Variants in ANAPC4 observed in about 807,000 individuals in gnomAD.
ANAPC4 encodes the protein anaphase-promoting complex subunit 4.
ANAPC4 carries 63 observed loss-of-function variants against 119.8 expected under a neutral mutation model. That is an observed-to-expected ratio of 0.53 (90% CI 0.43 to 0.65). The LOEUF is 0.65. Among genes scored for constraint, ANAPC4 ranks in the 30% least tolerant of loss-of-function variants. The probability of loss-of-function intolerance (pLI) is 0.00; values close to 1 mark genes in which losing one functional copy is unlikely to be tolerated. For synonymous variants in ANAPC4, 283 were observed against 318.6 expected, an observed-to-expected ratio of 0.89 and a Z score of 1.19; for missense variants, 716 against 945.1, an observed-to-expected ratio of 0.76 and a Z score of 3.18.
At chr4:25,409,017 G>A (rs1723423805) in intron 20 of ANAPC4, among the ~76,000 whole-genome samples, 1 of 152,212 alleles carries the variant, frequency 6.6e-6, no homozygotes, top group East Asian at 1.9e-4. Flanking sequence ...GTATGATTTG[G>A]GACTACTACC....
At chr4:25,386,212 CTTAT>C (rs753042181) in intron 4 of ANAPC4, among the ~76,000 whole-genome samples, 28 of 151,858 alleles carry the variant, frequency 1.8e-4, no homozygotes, top group Admixed American at 7.2e-4. Context: ...AGCGCCTGGC[CTTAT>C]TTATTTATTT....
In ANAPC4 at chr4:25,393,790, C is replaced by CT; in HGVS notation, c.790-9dup. ...AATATTTTTTACCATTTCAATTTTTCTTTTTTGCTAATAGTATATAAATTT... is the reference window on the plus strand; with the variant it reads ...AATATTTTTTACCATTTCAATTTTTCTTTTTTTGCTAATAGTATATAAATTT... On this transcript the variant is annotated splice_polypyrimidine_tract_variant and intron_variant, in intron 10 of 28. Transcript: ENST00000315368. 1 of 1,533,692 alleles carries CT rather than the reference C, an allele frequency of 6.5e-7. No individual in the cohort carries two copies. Among genetic ancestry groups the CT allele is most frequent in the Non-Finnish European group, 8.8e-7 (1 of 1,130,168 alleles).
intron 4 of ANAPC4, among the ~76,000 whole-genome samples, chr4:25,386,561 A>G (rs1722049130): frequency 6.6e-6 from 1 of 152,204 alleles, no homozygotes; most frequent in African/African-American, 2.4e-5. Flanking sequence ...AAACAATTAT[A>G]ATAGTAACAT....
At chr4:25,402,461 C>G (rs1043811750) in intron 16 of ANAPC4, among the ~76,000 whole-genome samples, 13 of 152,166 alleles carry the variant, frequency 8.5e-5, no homozygotes, top group African/African-American at 3.1e-4. Context: ...GGAAATTCAA[C>G]TTTTGAGATC....
intron 4 of ANAPC4, 67 bp from the exon 5 acceptor site, chr4:25,388,433 C>T (rs1006144873): frequency 9.3e-7 from 1 of 1,074,844 alleles, no homozygotes; most frequent in South Asian, 1.4e-5. Flanking sequence ...TAAAAATTAG[C>T]ATTTTTAATG....
chr4:25,411,967 G>A (rs573904640), intron 21 of ANAPC4, among the ~76,000 whole-genome samples: 37 of 152,202 alleles, frequency 2.4e-4, no homozygotes, highest in African/African-American at 8.2e-4. Flanking sequence ...GACTGCCCTC[G>A]CGTCAAATGT....
chr4:25,388,443 G>A (rs1385707914), intron 4 of ANAPC4, 57 bp from the exon 5 acceptor site: 2 of 1,199,216 alleles, frequency 1.7e-6, no homozygotes, highest in East Asian at 2.3e-5. Flanking sequence ...CATTTTTAAT[G>A]GCAAGAGAAG....
chr4:25,381,947 CA>C (rs66528862), intron 3 of ANAPC4, among the ~76,000 whole-genome samples: 109,979 of 151,482 alleles, frequency 0.73, 40,203 homozygotes, highest in African/African-American at 0.75. Context: ...GACTCCGTCT[CA>C]AAAAAAAAAT....
rs760438589 is a variant in ANAPC4, at chr4:25,414,602, G to T, written c.1728G>T (p.Trp576Cys). The part of the protein sequence containing the change: ...TRRLFKFPFL[W>C]NNKTSNLHYL... Reference sequence around the variant, plus strand: ...TTATGACAATTTTTTTTCTTAGGTGGAATAATAAAACTTCAAATCTACATT... The same window carrying T: ...TTATGACAATTTTTTTTCTTAGGTGTAATAATAAAACTTCAAATCTACATT... The change falls in exon 25 of 29, where the codon TGG becomes TGT. Residue 576 changes from tryptophan to cysteine, a missense_variant. Physicochemically the swap from Trp to Cys is radical, Grantham distance 215. Around this residue, in one of 3 missense-constraint regions of ANAPC4, gnomAD observed 504 missense variants for 615.8 expected, o/e 0.82. Coordinates refer to ENST00000315368, the MANE Select transcript of ANAPC4 (RefSeq NM_013367.3). 6.4e-7 allele frequency: 1 copy of T among 1,550,754 alleles called. No individual in the cohort carries two copies. Among genetic ancestry groups the T allele is most frequent in the South Asian group, 1.2e-5 (1 of 83,346 alleles).
intron 14 of ANAPC4, 117 bp from the exon 15 acceptor site, chr4:25,396,547 T>C (rs1722663444): frequency 2.5e-6 from 2 of 791,760 alleles, no homozygotes; most frequent in Non-Finnish European, 4.0e-6. Flanking sequence ...TTATTTCTCA[T>C]GGAAACAAAA....
chr4:25,385,047 T>C (rs1014893877), intron 4 of ANAPC4, among the ~76,000 whole-genome samples: 4 of 152,244 alleles, frequency 2.6e-5, no homozygotes, highest in Non-Finnish European at 4.4e-5. Context: ...TTAGGCTTTG[T>C]TGTTCCATTT....
rs142278258 is a variant in ANAPC4 at position 25,382,250 on chromosome 4, G to C, written c.236-1011G>C. On this transcript the variant is annotated intron_variant, in intron 3 of 28. Transcript: ENST00000315368. ...GTTGCCCTTTGGTGGATATTTAGAT[G>C]GTTTTCAGTTTTTGGCTTTGATAAG... Among the ~76,000 whole-genome samples, 501 of 152,234 alleles carry C rather than the reference G, an allele frequency of 3.3e-3. 1 individual carries two copies. Among genetic ancestry groups the C allele is most frequent in the African/African-American group, 0.012 (485 of 41,544 alleles).
At position 25,414,838 on chromosome 4, in the gene ANAPC4, G is replaced by T. The variant is rs1444800616; in HGVS notation, c.1826+138G>T. The T allele has an allele frequency of 8.7e-6, 7 of 800,850 alleles. No individual in the cohort carries two copies. In the African/African-American group the frequency reaches 1.2e-4, roughly 14 times the overall value. 49.6% of individuals were successfully genotyped at this position (800,850 alleles called of 1,614,324 possible). The stretch of plus-strand genomic sequence containing the variant: ...GTGTCATTTAATTGTTAGTTTTCAT[G>T]TCATTAAAAGGGTAACACTGAATTA... On this transcript the variant is annotated intron_variant, in intron 25 of 28. Transcript: ENST00000315368.
rs1322669288 is a variant in ANAPC4, at chr4:25,405,482, A to G, written c.1271-91A>G. On this transcript the variant is annotated intron_variant, in intron 17 of 28. Coordinates refer to ENST00000315368, the MANE Select transcript of ANAPC4 (RefSeq NM_013367.3). The surrounding 1 kb of genome is among the most constrained non-coding windows in gnomAD (Gnocchi z 4.6). Reference sequence around the variant, plus strand: ...CTGTGTAAAATTGAAGATTTAGTTCAGTCAAACACCTTGTCTTTGAAATGT... The same window carrying G: ...CTGTGTAAAATTGAAGATTTAGTTCGGTCAAACACCTTGTCTTTGAAATGT... 4 of 1,164,662 alleles carry G rather than the reference A, an allele frequency of 3.4e-6. No individual in the cohort carries two copies. The highest frequency in any genetic ancestry group is 1.9e-5 in the Admixed American group (1 of 52,104). The allele number at this position is 1,164,662 out of a possible 1,614,324, so 72.1% of individuals were successfully genotyped here. A position where few individuals can be genotyped will look rare whatever the true frequency, so the allele number is the denominator to read the frequency against.
intron 17 of ANAPC4, 60 bp downstream of exon 17, chr4:25,403,086 A>T (rs1723066949): frequency 1.2e-5 from 15 of 1,238,872 alleles, no homozygotes; most frequent in Non-Finnish European, 1.6e-5. Flanking sequence ...TAGGAGTATT[A>T]TCTTAGACTG....
intron 4 of ANAPC4, among the ~76,000 whole-genome samples, chr4:25,386,377 T>G (rs1009809580): frequency 1.3e-5 from 2 of 151,920 alleles, no homozygotes; most frequent in African/African-American, 4.8e-5. Flanking sequence ...CATGCCCAGC[T>G]AATTTTTATA....
intron 3 of ANAPC4, among the ~76,000 whole-genome samples, chr4:25,382,688 T>C (rs1721806416): frequency 6.6e-6 from 1 of 152,212 alleles, no homozygotes; most frequent in Admixed American, 6.5e-5. Context: ...TGATATGCAG[T>C]GAAACTCACT....
chr4:25,414,811 A>C (rs1723772352), intron 25 of ANAPC4, 111 bp downstream of exon 25: 1 of 1,012,676 alleles, frequency 9.9e-7, no homozygotes, highest in African/African-American at 1.7e-5. Context: ...TGACTTTTAG[A>C]TGTGTCATTT....
intron 22 of ANAPC4, 179 bp from the exon 23 acceptor site, chr4:25,414,145 C>G: frequency 1.9e-6 from 1 of 524,376 alleles, no homozygotes; most frequent in East Asian, 3.2e-5. Flanking sequence ...TCCTTTTCAG[C>G]TCAGAATTTT....
Sources: gnomAD v4.1 joint callset for allele counts (sites outside exome capture counted in the v4.1 genomes callset) on GRCh38, gnomAD v4.1.1 for gene constraint, gnomAD v4.1.1 regional missense constraint, Gnocchi (gnomAD v3.1) non-coding constraint, MANE v1.5 for transcripts, NCBI Gene and HGNC (gene_info 2026-07-23, HGNC 2026-07-21) for gene names.